Variants in BIN3 observed in about 807,000 individuals in gnomAD.
The protein encoded by BIN3 is bridging integrator 3.
In BIN3, 41 loss-of-function variants were observed where a neutral mutation model predicts 38.2. That is an observed-to-expected ratio of 1.07 (90% CI 0.84 to 1.39). The LOEUF (loss-of-function observed/expected upper bound fraction) is 1.39, where lower values mean the gene tolerates loss of function less well. Among genes scored for constraint, BIN3 ranks in the 40% most tolerant of loss-of-function variants. The pLI, the probability that BIN3 is intolerant of heterozygous loss-of-function variation, is 0.00. For synonymous variants in BIN3, 145 were observed against 122.6 expected, an observed-to-expected ratio of 1.18 and a Z score of -1.21; for missense variants, 361 against 324.3, an observed-to-expected ratio of 1.11 and a Z score of -0.87.
intron 1 of BIN3, 37 bp downstream of exon 1, chr8:22,669,007 C>T (rs766462734): frequency 4.5e-6 from 7 of 1,565,956 alleles, no homozygotes; most frequent in African/African-American, 1.4e-5. Flanking sequence ...CGCGGGTCCG[C>T]GGGTCCAGCA....
At position 22,624,045 on chromosome 8, in the gene BIN3, C is replaced by T. The variant is rs565479777; in HGVS notation, c.485G>A (p.Arg162Gln). The T allele has an allele frequency of 7.8e-6, 12 of 1,536,772 alleles. No homozygotes were observed. The highest frequency in any genetic ancestry group is 1.8e-4 in the Middle Eastern group (1 of 5,628). ...CTCCCGCACAGGCCGCAGCTCCTCT[C>T]GTGCCTAGGGAACAAGACCTGGGTG... ...GPVLAKLHQA[R>Q]EELRPVREDF... The change falls in exon 8 of 9, where the codon CGA becomes CAA. Residue 162 changes from arginine (R) to glutamine (Q), a missense_variant. Transcript: ENST00000276416.
intron 1 of BIN3, among the ~76,000 whole-genome samples, chr8:22,661,450 TG>T (rs1445656309): frequency 7.5e-6 from 1 of 133,562 alleles, no homozygotes; most frequent in African/African-American, 2.8e-5. Context: ...CTCCGCCTCC[TG>T]GGCTGAAGTG....
chr8:22,636,477 C>T, intron 4 of BIN3, 48 bp downstream of exon 4: 3 of 1,544,460 alleles, frequency 1.9e-6, no homozygotes, highest in Non-Finnish European at 2.6e-6. Context: ...GGGTGCCCAC[C>T]TCTGCCCCAC....
intron 1 of BIN3, among the ~76,000 whole-genome samples, chr8:22,657,045 A>G (rs1265300142): frequency 6.6e-6 from 1 of 152,240 alleles, no homozygotes; most frequent in East Asian, 1.9e-4. Context: ...TTTTCACTGA[A>G]TGAGGACACA....
intron 2 of BIN3, among the ~76,000 whole-genome samples, chr8:22,639,121 T>C (rs1802459294): frequency 6.6e-6 from 1 of 152,204 alleles, no homozygotes; most frequent in African/African-American, 2.4e-5. Flanking sequence ...TGTACTTTGG[T>C]GTCAGCCTGG....
chr8:22,663,247 G>A (rs1803298128), intron 1 of BIN3, among the ~76,000 whole-genome samples: 1 of 151,404 alleles, frequency 6.6e-6, no homozygotes, highest in South Asian at 2.1e-4. Context: ...GATATCAAAG[G>A]TATTTCTAAC....
At position 22,648,092 on chromosome 8, in the gene BIN3, G is replaced by A. The variant is rs547647944; in HGVS notation, c.9-3289C>T. Among the ~76,000 whole-genome samples, 33 of 116,616 alleles carry A rather than the reference G, an allele frequency of 2.8e-4. 1 individual carries two copies. The highest frequency in any genetic ancestry group is 6.2e-3 in the Middle Eastern group (1 of 162). The allele number at this position is 116,616 out of a possible 152,430, so 76.5% of individuals were successfully genotyped here. A position where few individuals can be genotyped will look rare whatever the true frequency, so the allele number is the denominator to read the frequency against. ...AGAGCTTGCAGTGAGCCGAGATTGC[G>A]CCACTACACTCCAGCCTGCGCGACA... is the stretch of plus-strand genomic sequence containing the variant. On this transcript the variant is annotated intron_variant, in intron 1 of 8. Transcript: ENST00000276416.
intron 2 of BIN3, among the ~76,000 whole-genome samples, chr8:22,637,656 A>G (rs1445177718): frequency 1.3e-5 from 2 of 152,214 alleles, no homozygotes; most frequent in African/African-American, 2.4e-5. Flanking sequence ...GAAGTCTAGT[A>G]CTTTCTTCTG....
chr8:22,643,426 G>A (rs1005057687), intron 2 of BIN3, among the ~76,000 whole-genome samples: 5 of 152,178 alleles, frequency 3.3e-5, no homozygotes, highest in South Asian at 2.1e-4. Flanking sequence ...GAACTCGTGC[G>A]CTCAAGCAGT....
At chr8:22,667,222 T>C (rs1051410483) in intron 1 of BIN3, among the ~76,000 whole-genome samples, 1 of 152,046 alleles carries the variant, frequency 6.6e-6, no homozygotes, top group African/African-American at 2.4e-5. Context: ...TAGATGAAAA[T>C]CTCAGCTCTT....
At chr8:22,651,237 G>A (rs773482756) in intron 1 of BIN3, among the ~76,000 whole-genome samples, 3 of 151,782 alleles carry the variant, frequency 2.0e-5, no homozygotes, top group African/African-American at 7.3e-5. Context: ...GCTTGTCTAC[G>A]TACTTATCCC....
At chr8:22,636,795 G>C (rs1274516245) in intron 3 of BIN3, 127 bp downstream of exon 3, 1 of 1,146,550 alleles carries the variant, frequency 8.7e-7, no homozygotes, top group Non-Finnish European at 1.3e-6. Context: ...CAGCAGCCTG[G>C]TGACCTGAGC....
At chr8:22,656,170 G>A (rs1585202040) in intron 1 of BIN3, among the ~76,000 whole-genome samples, 1 of 150,882 alleles carries the variant, frequency 6.6e-6, no homozygotes, top group East Asian at 1.9e-4. Context: ...GCTCATTCAG[G>A]GCCATATTTC....
intron 6 of BIN3, 134 bp downstream of exon 6, chr8:22,629,830 G>T: frequency 2.3e-6 from 2 of 865,694 alleles, no homozygotes; most frequent in Non-Finnish European, 3.7e-6. Flanking sequence ...CAGAGCTGAC[G>T]TCCCCACTGA....
intron 6 of BIN3, chr8:22,624,879 A>C: frequency 4.8e-6 from 1 of 210,248 alleles, no homozygotes; most frequent in Non-Finnish European, 9.6e-6. Context: ...GAAGGTCTAG[A>C]AGAGAACACA....
At chr8:22,627,692 T>A (rs1008243867) in intron 6 of BIN3, among the ~76,000 whole-genome samples, 7 of 152,048 alleles carry the variant, frequency 4.6e-5, no homozygotes, top group African/African-American at 7.2e-5. Context: ...CACCAAAACC[T>A]CCTCTCCCAC....
At chr8:22,629,314 G>A (rs975501866) in intron 6 of BIN3, among the ~76,000 whole-genome samples, 1 of 152,164 alleles carries the variant, frequency 6.6e-6, no homozygotes, top group African/African-American at 2.4e-5. Context: ...CTCGAGAGAG[G>A]CCAGGGAAGA....
chr8:22,660,611 G>C (rs1175353448), intron 1 of BIN3, among the ~76,000 whole-genome samples: 1 of 152,192 alleles, frequency 6.6e-6, no homozygotes, highest in African/African-American at 2.4e-5. Context: ...CATCCCGTGG[G>C]GCAGGGGCGG....
intron 1 of BIN3, among the ~76,000 whole-genome samples, chr8:22,662,382 T>C (rs1018794799): frequency 6.6e-6 from 1 of 152,234 alleles, no homozygotes; most frequent in African/African-American, 2.4e-5. Flanking sequence ...CAGCATCTCA[T>C]TGTTGGTTTA....
Sources: allele counts gnomAD v4.1 joint callset (sites outside exome capture counted in the v4.1 genomes callset), GRCh38; gene constraint gnomAD v4.1.1; transcripts MANE v1.5; gene names NCBI Gene and HGNC (gene_info 2026-07-23, HGNC 2026-07-21).